Variants in CMTM4 observed in about 807,000 individuals in gnomAD.
CMTM4 encodes the protein CKLF-like MARVEL transmembrane domain-containing protein 4.
Under a neutral mutation model 19.0 loss-of-function variants are expected in CMTM4, and 8 were observed. The ratio of observed to expected loss-of-function variants is 0.42; its 90% CI spans 0.25 to 0.76. The LOEUF (loss-of-function observed/expected upper bound fraction) is 0.76, where lower values mean the gene tolerates loss of function less well. Among genes scored for constraint, CMTM4 ranks in the 30% least tolerant of loss-of-function variants. The pLI is 0.27. For missense variants in CMTM4, 228 were observed against 290.2 expected (o/e 0.79, Z 1.56); for synonymous variants, 106 against 121.1 (o/e 0.88, Z 0.82).
chr16:66,673,250 C>T (rs2016747251), intron 1 of CMTM4, among the ~76,000 whole-genome samples: 1 of 145,788 alleles, frequency 6.9e-6, no homozygotes, highest in South Asian at 2.2e-4. Flanking sequence ...CTCTGTCATC[C>T]AGGCTGGAGT....
intron 1 of CMTM4, among the ~76,000 whole-genome samples, chr16:66,689,767 A>G (rs1363090368): frequency 6.6e-6 from 1 of 152,164 alleles, no homozygotes; most frequent in Non-Finnish European, 1.5e-5. Context: ...AAACTGCACC[A>G]ACCTTTTTGT....
At chr16:66,671,700 G>C (rs1208205258) in intron 1 of CMTM4, among the ~76,000 whole-genome samples, 1 of 152,088 alleles carries the variant, frequency 6.6e-6, no homozygotes, top group African/African-American at 2.4e-5. Context: ...CCTATAACTT[G>C]GCCTAGCTGG....
At chr16:66,683,580 A>G (rs2016981375) in intron 1 of CMTM4, among the ~76,000 whole-genome samples, 1 of 150,824 alleles carries the variant, frequency 6.6e-6, no homozygotes, top group Admixed American at 6.6e-5. Flanking sequence ...CGCCCGGCCC[A>G]TTTTTTTTCT....
chr16:66,675,999 A>G (rs908132834), intron 1 of CMTM4, among the ~76,000 whole-genome samples: 1 of 152,068 alleles, frequency 6.6e-6, no homozygotes, highest in Non-Finnish European at 1.5e-5. Context: ...AACTGGAACT[A>G]TAAGCACATG....
At position 66,618,907 on chromosome 16, in the gene CMTM4, C is replaced by T. The variant is rs1208376508; in HGVS notation, c.*3151G>A. On this transcript the variant is annotated 3_prime_UTR_variant, in exon 4 of 4. Transcript: ENST00000394106. ...GTGCCGCTGGCTTCCCAGGGCCAAG[C>T]GCTCAGAGCTGGGCCGGACTTGCCC... 7 of 985,418 alleles carry T rather than the reference C, an allele frequency of 7.1e-6. No homozygotes were observed. The highest frequency in any genetic ancestry group is 3.5e-5 in the African/African-American group (2 of 57,254). 61.0% of individuals were successfully genotyped at this position (985,418 alleles called of 1,614,324 possible).
intron 1 of CMTM4, among the ~76,000 whole-genome samples, chr16:66,675,468 A>C (rs1349178833): frequency 6.6e-6 from 1 of 151,366 alleles, no homozygotes; most frequent in Non-Finnish European, 1.5e-5. Flanking sequence ...AAAAAAAAAA[A>C]AAAAAAAAAC....
intron 1 of CMTM4, among the ~76,000 whole-genome samples, chr16:66,646,725 G>A (rs528439569): frequency 1.2e-3 from 117 of 94,096 alleles, no homozygotes; most frequent in African/African-American, 4.7e-3. Flanking sequence ...TTTTTTTTTT[G>A]GGACACAGTC....
chr16:66,688,404 C>A (rs1161269834), intron 1 of CMTM4, among the ~76,000 whole-genome samples: 2 of 152,118 alleles, frequency 1.3e-5, no homozygotes, highest in Admixed American at 6.6e-5. Context: ...CCCCAACTTA[C>A]AATCCCCAAG....
chr16:66,604,914 C>A, the CMTM4 span: 1 of 1,489,468 alleles, frequency 6.7e-7, no homozygotes. Context: ...GCGGGCTTTC[C>A]TCTGCTCTCT....
At chr16:66,630,369 C>T (rs1256475387) in intron 2 of CMTM4, among the ~76,000 whole-genome samples, 3 of 140,648 alleles carry the variant, frequency 2.1e-5, no homozygotes, top group East Asian at 2.2e-4. Context: ...TCTCTTTCCA[C>T]GGTCTCCCTC....
intron 1 of CMTM4, among the ~76,000 whole-genome samples, chr16:66,656,234 A>G (rs753241282): frequency 1.3e-5 from 2 of 152,208 alleles, no homozygotes; most frequent in South Asian, 2.1e-4. Context: ...ACAGTTGAAA[A>G]TCCAACCAAC....
At chr16:66,647,949 T>C (rs1046691596) in intron 1 of CMTM4, among the ~76,000 whole-genome samples, 2 of 152,248 alleles carry the variant, frequency 1.3e-5, no homozygotes, top group African/African-American at 4.8e-5. Flanking sequence ...AAATGCACTT[T>C]GTCTGTATTC....
the CMTM4 span, chr16:66,609,681 C>T: frequency 6.5e-7 from 1 of 1,538,824 alleles, no homozygotes; most frequent in Non-Finnish European, 8.8e-7. The surrounding 1 kb of genome is among the most constrained non-coding windows in gnomAD (Gnocchi z 4.4). Flanking sequence ...TCATTAAAGA[C>T]TGACTCTACC....
chr16:66,598,749 G>A, the CMTM4 span, among the ~76,000 whole-genome samples: 7 of 152,204 alleles, frequency 4.6e-5, no homozygotes, highest in South Asian at 2.1e-4. Flanking sequence ...TCAATGGTTC[G>A]TTCCTTTTTC....
At chr16:66,675,457 TAAAAAA>T (rs35189676) in intron 1 of CMTM4, among the ~76,000 whole-genome samples, 1 of 115,212 alleles carries the variant, frequency 8.7e-6, no homozygotes. Flanking sequence ...TATTATTCAT[TAAAAAA>T]AAAAAAAAAA....
Position 66,622,779 on chromosome 16 carries a change from G to A in CMTM4, c.463-557C>T, listed in dbSNP as rs1306641712. Among the ~76,000 whole-genome samples the A allele has an allele frequency of 6.6e-6, 1 of 152,202 alleles. No individual in the cohort carries two copies. Among genetic ancestry groups the A allele is most frequent in the East Asian group, 1.9e-4 (1 of 5,200 alleles). ...GGGCAGCTCCAAGTAAGCAGCTCCA[G>A]AGTAAGAAGCACAGAGTTTTAATTA... On this transcript the variant is annotated intron_variant, in intron 3 of 3. Transcript: ENST00000394106. This position sits in a 1 kb window ranked among gnomAD's most constrained non-coding sequence, Gnocchi z 4.0.
intron 1 of CMTM4, among the ~76,000 whole-genome samples, chr16:66,670,096 G>C (rs2016675143): frequency 6.6e-6 from 1 of 152,152 alleles, no homozygotes; most frequent in Admixed American, 6.5e-5. Flanking sequence ...GAGCCAACCA[G>C]AGAGAGGCTA....
At chr16:66,645,957 C>T (rs1194204369) in intron 1 of CMTM4, among the ~76,000 whole-genome samples, 2 of 152,042 alleles carry the variant, frequency 1.3e-5, no homozygotes, top group African/African-American at 4.8e-5. Flanking sequence ...CCAGCCTGGG[C>T]GACAGAGCGA....
At chr16:66,668,943 A>G (rs1188860868) in intron 1 of CMTM4, among the ~76,000 whole-genome samples, 2 of 152,228 alleles carry the variant, frequency 1.3e-5, no homozygotes, top group African/African-American at 2.4e-5. Flanking sequence ...TTTCCTGTAC[A>G]GTGAAACACG....
Sources: gnomAD v4.1 joint callset for allele counts (sites outside exome capture counted in the v4.1 genomes callset) on GRCh38, gnomAD v4.1.1 for gene constraint, Gnocchi (gnomAD v3.1) non-coding constraint, MANE v1.5 for transcripts, NCBI Gene and HGNC (gene_info 2026-07-23, HGNC 2026-07-21) for gene names.